LRRC37A2: variants seen among roughly 807,000 people sequenced by gnomAD.
LRRC37A2 encodes leucine-rich repeat-containing protein 37A2.
Under a neutral mutation model 68.8 loss-of-function variants are expected in LRRC37A2, and 9 were observed. The ratio of observed to expected loss-of-function variants is 0.13; its 90% CI spans 0.08 to 0.23. LRRC37A2 has a LOEUF of 0.23. Ranked by LOEUF, LRRC37A2 falls within the 10% of genes least tolerant of loss-of-function variation. The pLI, the probability that LRRC37A2 is intolerant of heterozygous loss-of-function variation, is 1.00. For missense variants in LRRC37A2, 168 were observed against 950.4 expected (o/e 0.18, Z 10.82); for synonymous variants, 63 against 367.6 (o/e 0.17, Z 9.48).
chr17:46,777,016 G>C, the LRRC37A2 span, among the ~76,000 whole-genome samples: 3 of 152,142 alleles, frequency 2.0e-5, no homozygotes, highest in African/African-American at 7.2e-5. Context: ...CACAGGAGGA[G>C]CCCTAAGGGA....
the LRRC37A2 span, chr17:46,755,647 T>C: frequency 2.1e-5 from 17 of 809,274 alleles, no homozygotes; most frequent in Non-Finnish European, 3.3e-5. Flanking sequence ...TGTGACCATT[T>C]TCTTTTGTGA....
the LRRC37A2 span, among the ~76,000 whole-genome samples, chr17:46,896,693 A>G: frequency 6.6e-6 from 1 of 152,284 alleles, no homozygotes; most frequent in African/African-American, 2.4e-5. Context: ...GCAAAGCGAC[A>G]GCTTGGCCCT....
At chr17:46,929,655 C>T in the LRRC37A2 span, 1 of 808,580 alleles carries the variant, frequency 1.2e-6, no homozygotes, top group Non-Finnish European at 2.2e-6. Context: ...GGCTTCCTGA[C>T]TGCACTCTGC....
the LRRC37A2 span, among the ~76,000 whole-genome samples, chr17:46,797,307 G>C: frequency 6.6e-6 from 1 of 152,200 alleles, no homozygotes; most frequent in African/African-American, 2.4e-5. Flanking sequence ...CCAAAAACCT[G>C]GGAGAGAGTG....
chr17:46,751,398 C>A, the LRRC37A2 span: 1 of 776,154 alleles, frequency 1.3e-6, no homozygotes, highest in Non-Finnish European at 2.2e-6. Flanking sequence ...TCAACTTGAA[C>A]AGTTAGGTAG....
At chr17:46,828,686 G>A in the LRRC37A2 span, among the ~76,000 whole-genome samples, 11 of 151,958 alleles carry the variant, frequency 7.2e-5, no homozygotes, top group African/African-American at 1.7e-4. Context: ...GGTCGGGCAC[G>A]GTGGCTCATG....
At chr17:46,907,495 A>G in the LRRC37A2 span, among the ~76,000 whole-genome samples, 163 of 150,762 alleles carry the variant, frequency 1.1e-3, 1 homozygote, top group South Asian at 2.8e-3. Flanking sequence ...CTCCAGCCCC[A>G]GCTCTTGGCA....
chr17:46,630,616 T>TAGAG, the LRRC37A2 span: 9 of 430,918 alleles, frequency 2.1e-5, no homozygotes, highest in South Asian at 3.0e-4. Context: ...ATGGTACCTC[T>TAGAG]GTTCCTATAT....
the LRRC37A2 span, among the ~76,000 whole-genome samples, chr17:46,851,077 TCTGCACCAGGACCCGGCC>T: frequency 6.6e-6 from 1 of 152,192 alleles, no homozygotes; most frequent in African/African-American, 2.4e-5. The surrounding 1 kb of genome is among the most constrained non-coding windows in gnomAD (Gnocchi z 4.3). Flanking sequence ...AGAGAGCGGT[TCTGCACCAGGACCCGGCC>T]CTGCCCTGAG....
At chr17:46,791,122 A>G in the LRRC37A2 span, among the ~76,000 whole-genome samples, 1 of 152,106 alleles carries the variant, frequency 6.6e-6, no homozygotes, top group African/African-American at 2.4e-5. Flanking sequence ...TCAAGGCAGC[A>G]AGCCTTTTCC....
chr17:46,748,887 G>C, the LRRC37A2 span, among the ~76,000 whole-genome samples: 1 of 152,182 alleles, frequency 6.6e-6, no homozygotes, highest in African/African-American at 2.4e-5. Context: ...ATAGTACTCT[G>C]CATGGCCTAG....
chr17:46,896,557 G>T, the LRRC37A2 span, among the ~76,000 whole-genome samples: 1 of 152,114 alleles, frequency 6.6e-6, no homozygotes, highest in Non-Finnish European at 1.5e-5. Flanking sequence ...GATTGCTTGA[G>T]CCCAGGAGTT....
chr17:46,793,734 T>A, the LRRC37A2 span, among the ~76,000 whole-genome samples: 978 of 152,296 alleles, frequency 6.4e-3, 29 homozygotes, highest in East Asian at 0.053. Context: ...CCAGGGTAGA[T>A]GACACACGTT....
At chr17:46,946,889 A>G in the LRRC37A2 span, among the ~76,000 whole-genome samples, 7 of 152,236 alleles carry the variant, frequency 4.6e-5, no homozygotes, top group African/African-American at 1.2e-4. Flanking sequence ...AAATTATGAG[A>G]TGTCGCGGGG....
chr17:46,495,165 A>G, the LRRC37A2 span, among the ~76,000 whole-genome samples: 1 of 146,932 alleles, frequency 6.8e-6, no homozygotes, highest in Non-Finnish European at 1.5e-5. Context: ...CTTAAGCTTT[A>G]TAGATGACTT....
At chr17:46,947,053 T>C in the LRRC37A2 span, among the ~76,000 whole-genome samples, 2 of 151,990 alleles carry the variant, frequency 1.3e-5, no homozygotes, top group African/African-American at 4.8e-5. Context: ...CTCAGCAGGC[T>C]GGGTTTGGAG....
chr17:46,835,368 C>T, the LRRC37A2 span, among the ~76,000 whole-genome samples: 5 of 152,092 alleles, frequency 3.3e-5, no homozygotes, highest in African/African-American at 9.7e-5. Flanking sequence ...CCCGCCACCA[C>T]GCCCAGCTAA....
chr17:46,535,065 C>T (rs8065240), intron 6 of LRRC37A2, among the ~76,000 whole-genome samples: 140,419 of 147,096 alleles, frequency 0.95, 67,806 homozygotes, highest in East Asian at 1. Flanking sequence ...CAGTTATTTT[C>T]AAATTTTTTG....
chr17:46,875,411 C>G, the LRRC37A2 span: 50 of 1,540,488 alleles, frequency 3.2e-5, no homozygotes, highest in Non-Finnish European at 4.3e-5. Flanking sequence ...CACCAGGGTA[C>G]ACAGCTGGGG....
Sources: gnomAD v4.1 joint callset for allele counts (sites outside exome capture counted in the v4.1 genomes callset) on GRCh38, gnomAD v4.1.1 for gene constraint, Gnocchi (gnomAD v3.1) non-coding constraint, MANE v1.5 for transcripts, NCBI Gene and HGNC (gene_info 2026-07-23, HGNC 2026-07-21) for gene names.